ZNF736: variants seen among roughly 807,000 people sequenced by gnomAD.
ZNF736 encodes KRAB-containing zinc-finger repressor protein.
ZNF736 carries 6 observed loss-of-function variants against 11.7 expected under a neutral mutation model. The observed-to-expected ratio is 0.51, with a 90% confidence interval of 0.28 to 1.01. The LOEUF (loss-of-function observed/expected upper bound fraction) is 1.01, where lower values mean the gene tolerates loss of function less well. ZNF736 is among the 50% of genes least tolerant of loss of function. The pLI is 0.09. For missense variants in ZNF736, 444 were observed against 496.0 expected (o/e 0.90, Z 1.00); for synonymous variants, 139 against 164.7 (o/e 0.84, Z 1.19).
intron 1 of ZNF736, among the ~76,000 whole-genome samples, chr7:64,325,645 A>T (rs1318067128): frequency 6.6e-6 from 1 of 152,190 alleles, no homozygotes; most frequent in Admixed American, 6.5e-5. Flanking sequence ...ACTTGAAGAT[A>T]AAAAAAGACA....
chr7:64,339,426 T>G (rs768638621), intron 3 of ZNF736, among the ~76,000 whole-genome samples: 6 of 152,200 alleles, frequency 3.9e-5, no homozygotes, highest in Non-Finnish European at 7.3e-5. Context: ...TGTCATTCAT[T>G]AGAGTCCTTA....
chr7:64,326,877 C>G (rs1223638348), intron 1 of ZNF736, among the ~76,000 whole-genome samples: 1 of 151,972 alleles, frequency 6.6e-6, no homozygotes, highest in Non-Finnish European at 1.5e-5. Context: ...TTAGTGATTA[C>G]TAGTTTTATT....
intron 1 of ZNF736, among the ~76,000 whole-genome samples, chr7:64,324,496 C>CCTT (rs1328063257): frequency 2.0e-5 from 3 of 152,140 alleles, no homozygotes; most frequent in African/African-American, 4.8e-5. Flanking sequence ...AGGGCAGACT[C>CCTT]CTCCCATTTA....
In ZNF736 at chr7:64,350,419, T is replaced by C. The variant is rs552113066; in HGVS notation, c.*1272T>C. The stretch of plus-strand genomic sequence containing the variant: ...GTTCTATCAGGTTGGCCACATTTTT[T>C]CTCCAGACTGGCTGTTTTTTCCGTC... On this transcript the variant is annotated 3_prime_UTR_variant, in exon 4 of 4. Coordinates refer to ENST00000423484, the MANE Select transcript of ZNF736 (RefSeq NM_001170905.3). 2 of 152,364 alleles carry C rather than the reference T, an allele frequency of 1.3e-5. No individual in the cohort carries two copies. Among genetic ancestry groups the C allele is most frequent in the South Asian group, 4.1e-4 (2 of 4,828 alleles). 9.4% of individuals were successfully genotyped at this position (152,364 alleles called of 1,614,324 possible). A position where few individuals can be genotyped will look rare whatever the true frequency, so the allele number is the denominator to read the frequency against.
intron 1 of ZNF736, among the ~76,000 whole-genome samples, chr7:64,325,757 A>T (rs1183746665): frequency 6.6e-6 from 1 of 152,198 alleles, no homozygotes; most frequent in Non-Finnish European, 1.5e-5. Context: ...GGTAAATAGG[A>T]CTTTGTCAGC....
intron 3 of ZNF736, among the ~76,000 whole-genome samples, chr7:64,346,186 G>T (rs1789407550): frequency 6.6e-6 from 1 of 152,124 alleles, no homozygotes; most frequent in Non-Finnish European, 1.5e-5. Flanking sequence ...TATTATAATT[G>T]AATGTCCTAC....
At chr7:64,335,449 G>T (rs575974302) in intron 1 of ZNF736, among the ~76,000 whole-genome samples, 2 of 152,206 alleles carry the variant, frequency 1.3e-5, no homozygotes, top group East Asian at 3.9e-4. Flanking sequence ...CAGTAGTCTT[G>T]TATCCTTCTT....
At chr7:64,334,899 A>G (rs1210358516) in intron 1 of ZNF736, among the ~76,000 whole-genome samples, 6 of 152,224 alleles carry the variant, frequency 3.9e-5, no homozygotes, top group African/African-American at 9.6e-5. Flanking sequence ...ATGCCCATCA[A>G]TGATAGACTG....
chr7:64,323,941 T>A (rs1415991186), intron 1 of ZNF736, among the ~76,000 whole-genome samples: 8 of 152,194 alleles, frequency 5.3e-5, no homozygotes, highest in African/African-American at 1.9e-4. Context: ...GGGGTATTTG[T>A]GGTACAAAAA....
At chr7:64,335,640 G>T (rs1789238052) in intron 1 of ZNF736, among the ~76,000 whole-genome samples, 2 of 152,188 alleles carry the variant, frequency 1.3e-5, no homozygotes, top group Non-Finnish European at 2.9e-5. Flanking sequence ...TGTTTAATCT[G>T]ACAGCTCTTC....
At position 64,349,099 on chromosome 7, in the gene ZNF736, C is replaced by T. The variant is rs773931684; in HGVS notation, c.1236C>T (p.Leu412=). 19 of 1,587,074 alleles carry T rather than the reference C, an allele frequency of 1.2e-5. No individual in the cohort carries two copies. Among genetic ancestry groups the T allele is most frequent in the Non-Finnish European group, 1.5e-5 (17 of 1,166,306 alleles). ...CGKASSWFSH[L]IRHKRIHTRE... is the part of the protein sequence containing the mutation. The stretch of plus-strand genomic sequence containing the variant: ...AAGCATCGAGCTGGTTCTCACACCT[C>T]ATCAGACATAAGAGAATTCATACTA... Residue 412 remains leucine (L), a synonymous_variant, in exon 4 of 4, where the codon CTC becomes CTT. Transcript: ENST00000423484.
intron 3 of ZNF736, among the ~76,000 whole-genome samples, chr7:64,342,599 A>G (rs1789354185): frequency 6.6e-6 from 1 of 152,032 alleles, no homozygotes; most frequent in African/African-American, 2.4e-5. Flanking sequence ...TTATAATTTT[A>G]TCTTCTTTAC....
chr7:64,348,929 C>T lies in ZNF736; in HGVS notation c.1066C>T (p.Leu356Phe). 1 of 1,602,120 alleles carries T rather than the reference C, an allele frequency of 6.2e-7. No individual in the cohort carries two copies. Among genetic ancestry groups the T allele is most frequent in the East Asian group, 2.3e-5 (1 of 44,152 alleles). ...CGKAFTRSST[L>F]FNHKRIHMEE... ...CAAAGCCTTTACCCGCTCCTCAACC[C>T]TTTTTAACCACAAGAGAATTCATAT... The change falls in exon 4 of 4, where the codon CTT becomes TTT. Residue 356 changes from leucine (L) to phenylalanine (F), a missense_variant. By Grantham distance (22) the Leu-to-Phe change is conservative (BLOSUM62 0). Coordinates refer to ENST00000423484, the MANE Select transcript of ZNF736 (RefSeq NM_001170905.3).
Position 64,348,256 on chromosome 7 carries a change from T to C in ZNF736, c.393T>C (p.Asn131=). The part of the protein sequence containing the change: ...GNCKGQKSSY[N]GLHQCLSATH... ...GCAAGGGGCAGAAAAGCAGTTATAATGGCCTTCATCAATGTTTGTCAGCTA... is the reference window on the plus strand; with the variant it reads ...GCAAGGGGCAGAAAAGCAGTTATAACGGCCTTCATCAATGTTTGTCAGCTA... The change falls in exon 4 of 4, where the codon AAT becomes AAC. Residue 131 remains asparagine, a synonymous_variant. Transcript: ENST00000423484. 1 of 1,551,994 alleles carries C rather than the reference T, an allele frequency of 6.4e-7. No individual in the cohort carries two copies. Among genetic ancestry groups the C allele is most frequent in the East Asian group, 2.4e-5 (1 of 40,910 alleles).
chr7:64,330,404 G>A lies in ZNF736; in HGVS notation c.4-5855G>A, dbSNP rs536077047. 1.1e-3 allele frequency among the ~76,000 whole-genome samples: 162 copies of A among 151,944 alleles called. 2 individuals are homozygous for A. The East Asian group carries it at 0.028, about 26-fold the overall frequency. On this transcript the variant is annotated intron_variant, in intron 1 of 3. Coordinates refer to ENST00000423484, the MANE Select transcript of ZNF736 (RefSeq NM_001170905.3). ...CATCTCCTGACCTCGTGATCCGACCGCCTTGGCCTCCCAAAGTGCTGGGAT... is the reference window on the plus strand; with the variant it reads ...CATCTCCTGACCTCGTGATCCGACCACCTTGGCCTCCCAAAGTGCTGGGAT...
At chr7:64,324,920 TATGAC>T (rs1304730452) in intron 1 of ZNF736, among the ~76,000 whole-genome samples, 1 of 152,242 alleles carries the variant, frequency 6.6e-6, no homozygotes, top group East Asian at 1.9e-4. Context: ...ATCTGGGTAA[TATGAC>T]AGGCAGCAGT....
At chr7:64,316,742 TA>T (rs60015728) in intron 1 of ZNF736, among the ~76,000 whole-genome samples, 28,561 of 151,218 alleles carry the variant, frequency 0.19, 2,971 homozygotes, top group Non-Finnish European at 0.22. Context: ...CTTGAAAGAT[TA>T]AAAAAAAAAT....
chr7:64,346,421 A>T (rs1584276792), intron 3 of ZNF736, among the ~76,000 whole-genome samples: 2 of 148,262 alleles, frequency 1.3e-5, no homozygotes, highest in Non-Finnish European at 1.5e-5. Flanking sequence ...ATATAGTTAG[A>T]TTTTTTTTTT....
Position 64,318,804 on chromosome 7 carries a change from G to A in ZNF736, c.3+4651G>A, listed in dbSNP as rs78285165. 6.5e-3 allele frequency among the ~76,000 whole-genome samples: 985 copies of A among 152,194 alleles called. 11 individuals carry two copies. The highest frequency in any genetic ancestry group is 0.022 in the African/African-American group (934 of 41,524). ...TAGACACAACATATAACTTACTCAT[G>A]TTTGTATCTAAAAGCCCTAGAGAGG... On this transcript the variant is annotated intron_variant, in intron 1 of 3. Transcript: ENST00000423484.
Sources: gnomAD v4.1 joint callset for allele counts (sites outside exome capture counted in the v4.1 genomes callset) on GRCh38, gnomAD v4.1.1 for gene constraint, MANE v1.5 for transcripts, NCBI Gene and HGNC (gene_info 2026-07-23, HGNC 2026-07-21) for gene names.